The following MED13L variants were observed in gnomAD, a reference collection of about 807,000 sequenced individuals.
The protein encoded by MED13L is mediator of RNA polymerase II transcription subunit 13-like.
MED13L carries 7 observed loss-of-function variants against 220.9 expected under a neutral mutation model. The observed-to-expected ratio is 0.03, with a 90% CI of 0.02 to 0.06. The LOEUF (loss-of-function observed/expected upper bound fraction) is 0.06, where lower values mean the gene tolerates loss of function less well. MED13L is among the 10% of genes least tolerant of loss of function. The probability of loss-of-function intolerance (pLI) is 1.00; values close to 1 mark genes in which losing one functional copy is unlikely to be tolerated. For synonymous variants in MED13L, 1,011 were observed against 1,015.2 expected, an observed-to-expected ratio of 1.00 and a Z score of 0.08; for missense variants, 1,965 against 2,760.5, an observed-to-expected ratio of 0.71 and a Z score of 6.46.
chr12:116,026,014 C>CA (rs1045324412), intron 4 of MED13L, among the ~76,000 whole-genome samples: 3 of 150,284 alleles, frequency 2.0e-5, no homozygotes, highest in South Asian at 2.1e-4. Flanking sequence ...AAATAGAATT[C>CA]AAAAAAAGAA....
chr12:116,015,240 G>C lies in MED13L; in HGVS notation c.1044C>G (p.His348Gln), dbSNP rs778123143. The part of the protein sequence containing the change: ...ESGGMQSAAS[H>Q]LVSQDGGMIT... Reference sequence around the variant, plus strand: ...TCATCCCTCCATCTTGGGAAACCAGGTGACTGGCAGCACTCTGCATACCTC... The same window carrying C: ...TCATCCCTCCATCTTGGGAAACCAGCTGACTGGCAGCACTCTGCATACCTC... Residue 348 changes from histidine to glutamine, a missense_variant, in exon 8 of 31, where the codon CAC becomes CAG. Physicochemically the swap from His to Gln is conservative, Grantham distance 24 (BLOSUM62 0). Coordinates refer to ENST00000281928, the MANE Select transcript of MED13L (RefSeq NM_015335.5). 1 of 1,613,812 alleles carries C rather than the reference G, an allele frequency of 6.2e-7. No individual in the cohort carries two copies. The highest frequency in any genetic ancestry group is 1.1e-5 in the South Asian group (1 of 91,072).
chr12:116,084,711 AGAG>A (rs1871494238), intron 4 of MED13L, among the ~76,000 whole-genome samples: 1 of 151,788 alleles, frequency 6.6e-6, no homozygotes, highest in Non-Finnish European at 1.5e-5. Context: ...CTTGAACCCA[AGAG>A]GCGGAGGTTG....
chr12:116,124,188 C>CAGAGAGAGACAGAG (rs1593071760), intron 2 of MED13L, among the ~76,000 whole-genome samples: 1 of 141,368 alleles, frequency 7.1e-6, no homozygotes, highest in Non-Finnish European at 1.6e-5. Context: ...CAGAGAGAGA[C>CAGAGAGAGACAGAG]AGAGACTGAC....
chr12:116,152,652 G>A (rs1387450234), intron 2 of MED13L, among the ~76,000 whole-genome samples: 1 of 152,134 alleles, frequency 6.6e-6, no homozygotes, highest in Non-Finnish European at 1.5e-5. Context: ...ACCAAGGAGA[G>A]AAGGACTGTT....
chr12:116,124,122 A>AGAGAGAG (rs1565888715), intron 2 of MED13L, among the ~76,000 whole-genome samples: 14 of 91,220 alleles, frequency 1.5e-4, no homozygotes, highest in Admixed American at 1.4e-3. Flanking sequence ...AGAGAGAAAG[A>AGAGAGAG]CGAGAGAGAG....
At chr12:115,992,951 T>C (rs1326584134) in intron 16 of MED13L, among the ~76,000 whole-genome samples, 1 of 151,926 alleles carries the variant, frequency 6.6e-6, no homozygotes, top group South Asian at 2.1e-4. Context: ...AAGTTCCACA[T>C]CTGTGGATTC....
At chr12:115,984,565 C>T (rs948085942) in intron 19 of MED13L, among the ~76,000 whole-genome samples, 193 bp from the exon 20 acceptor site, 5 of 152,048 alleles carry the variant, frequency 3.3e-5, no homozygotes, top group South Asian at 2.1e-4. Context: ...AAATTGCTAT[C>T]TGTCTCTCTA....
At chr12:116,022,335 C>T in intron 5 of MED13L, 121 bp downstream of exon 5, 1 of 1,200,456 alleles carries the variant, frequency 8.3e-7, no homozygotes, top group East Asian at 2.5e-5. Context: ...AAATCTGACC[C>T]TTATGCTTAG....
rs760558728 is a variant in MED13L, at chr12:115,997,275, C to CT, written c.2570-46dup. On this transcript the variant is annotated intron_variant, in intron 14 of 30. Transcript: ENST00000281928. ...AAAATTTGTTTAATAGGAAGGGCTT[C>CT]TAAAAAGTCCTAGCTTATAGCCAGG... The CT allele has an allele frequency of 5.2e-6, 8 of 1,538,354 alleles. 1 individual carries two copies. Among genetic ancestry groups the CT allele is most frequent in the Non-Finnish European group, 7.2e-6 (8 of 1,118,662 alleles).
In MED13L at chr12:116,237,644, G is replaced by C; in HGVS notation, c.134C>G (p.Pro45Arg). Residue 45 changes from proline (P) to arginine (R), a missense_variant, in exon 2 of 31, where the codon CCC becomes CGC. Transcript: ENST00000281928. ...YNFGGHGDCGPIISAPAQDDP... is the reference protein window; with the variant it reads ...YNFGGHGDCGRIISAPAQDDP... The stretch of plus-strand genomic sequence containing the variant: ...ATCTTGGGCTGGGGCTGAAATTATG[G>C]GTCCACAGTCCCCATGCCCTCCAAA... The C allele has an allele frequency of 6.2e-7, 1 of 1,614,096 alleles. No individual in the cohort carries two copies. Among genetic ancestry groups the C allele is most frequent in the Non-Finnish European group, 8.5e-7 (1 of 1,180,032 alleles).
At chr12:116,144,622 GA>G (rs772060263) in intron 2 of MED13L, among the ~76,000 whole-genome samples, 12 of 152,134 alleles carry the variant, frequency 7.9e-5, no homozygotes, top group Non-Finnish European at 1.3e-4. Flanking sequence ...TACATTTTCT[GA>G]AACTCCAACT....
chr12:116,077,511 A>C (rs781051864), intron 4 of MED13L, among the ~76,000 whole-genome samples: 1 of 152,228 alleles, frequency 6.6e-6, no homozygotes, highest in South Asian at 2.1e-4. Flanking sequence ...ACTGAATGTC[A>C]TAACTGTTAA....
intron 4 of MED13L, among the ~76,000 whole-genome samples, chr12:116,028,353 A>G (rs1188435902): frequency 6.6e-6 from 1 of 152,074 alleles, no homozygotes; most frequent in Non-Finnish European, 1.5e-5. Context: ...ACTCTTTTTT[A>G]CCTGAACCTT....
chr12:115,988,818 A>T (rs1355516170), intron 17 of MED13L, among the ~76,000 whole-genome samples: 1 of 152,160 alleles, frequency 6.6e-6, no homozygotes, highest in Non-Finnish European at 1.5e-5. Flanking sequence ...ATTCATGCAC[A>T]CAGACTGCTT....
intron 4 of MED13L, among the ~76,000 whole-genome samples, chr12:116,086,370 G>A (rs758600466): frequency 2.7e-5 from 4 of 148,406 alleles, no homozygotes; most frequent in Non-Finnish European, 4.4e-5. Context: ...TGCAACCTCC[G>A]CCTCCCGGGT....
chr12:116,249,621 A>G (rs1871343129), intron 1 of MED13L, among the ~76,000 whole-genome samples: 2 of 151,768 alleles, frequency 1.3e-5, no homozygotes, highest in Non-Finnish European at 2.9e-5. Context: ...AAACACAAAC[A>G]TAAGGACAGA....
chr12:116,006,188 T>C (rs756593323), intron 12 of MED13L, 118 bp downstream of exon 12: 44 of 1,224,874 alleles, frequency 3.6e-5, no homozygotes, highest in Non-Finnish European at 5.1e-5. Context: ...ATGAAAAATA[T>C]ATTAAAGATG....
In MED13L at chr12:116,008,731, G is replaced by C; in HGVS notation, c.1682C>G (p.Pro561Arg). 6.2e-7 allele frequency: 1 copy of C among 1,614,048 alleles called. No individual in the cohort carries two copies. The highest frequency in any genetic ancestry group is 8.5e-7 in the Non-Finnish European group (1 of 1,179,998). Residue 561 changes from proline to arginine, a missense_variant, in exon 10 of 31, where the codon CCT becomes CGT. Pro to Arg is a moderately radical substitution (Grantham distance 103). Around this residue, in one of 10 missense-constraint regions of MED13L, gnomAD observed 818 missense variants for 1,041.2 expected, o/e 0.79. Transcript: ENST00000281928. Reference sequence around the variant, plus strand: ...CTCTGTTTCCTGACCTCGTGGCTGAGGGCTGAGTGTTGGTGGCAGAGGGGA... The same window carrying C: ...CTCTGTTTCCTGACCTCGTGGCTGACGGCTGAGTGTTGGTGGCAGAGGGGA... ...PISPLPPTLS[P>R]QPRGQETESL...
intron 4 of MED13L, among the ~76,000 whole-genome samples, chr12:116,031,582 A>C (rs957230619): frequency 8.2e-6 from 1 of 122,546 alleles, no homozygotes; most frequent in African/African-American, 3.1e-5. Context: ...ACAGAGCGAG[A>C]CTCTGTCCAA....
Sources: gnomAD v4.1 joint callset for allele counts (sites outside exome capture counted in the v4.1 genomes callset) on GRCh38, gnomAD v4.1.1 for gene constraint, gnomAD v4.1.1 regional missense constraint, MANE v1.5 for transcripts, NCBI Gene and HGNC (gene_info 2026-07-23, HGNC 2026-07-21) for gene names.